MCTP1: variants seen among roughly 807,000 people sequenced by gnomAD.
MCTP1 encodes multiple C2 and transmembrane domain-containing protein 1.
In MCTP1, 69 loss-of-function variants were observed where a neutral mutation model predicts 120.6. The ratio of observed to expected loss-of-function variants is 0.57; its 90% confidence interval spans 0.47 to 0.70. The LOEUF (loss-of-function observed/expected upper bound fraction) is 0.70, where lower values mean the gene tolerates loss of function less well. Ranked by LOEUF, MCTP1 falls within the 30% of genes least tolerant of loss-of-function variation. MCTP1 has a pLI of 0.00. For missense variants in MCTP1, 1,203 were observed against 1,248.8 expected (o/e 0.96, Z 0.55); for synonymous variants, 529 against 493.1 (o/e 1.07, Z -0.96).
intron 1 of MCTP1, among the ~76,000 whole-genome samples, chr5:95,136,166 C>T (rs1759431821): frequency 6.6e-6 from 1 of 152,160 alleles, no homozygotes; most frequent in African/African-American, 2.4e-5. Context: ...ATCCCTTCTC[C>T]CTCTCTTCAA....
At chr5:95,214,181 A>C (rs1752758447) in intron 1 of MCTP1, among the ~76,000 whole-genome samples, 1 of 152,294 alleles carries the variant, frequency 6.6e-6, no homozygotes, top group African/African-American at 2.4e-5. Flanking sequence ...AAAAACAAAC[A>C]ACCCCATCTA....
At chr5:94,818,351 A>G (rs1357893490) in intron 17 of MCTP1, among the ~76,000 whole-genome samples, 1 of 152,206 alleles carries the variant, frequency 6.6e-6, no homozygotes, top group Non-Finnish European at 1.5e-5. Context: ...AAATTCATCC[A>G]TCACACCTGG....
chr5:94,846,508 G>A (rs752580560), intron 17 of MCTP1, among the ~76,000 whole-genome samples: 15 of 152,146 alleles, frequency 9.9e-5, no homozygotes, highest in Non-Finnish European at 1.9e-4. Flanking sequence ...TGTGAAAATG[G>A]AGAATAGGAG....
At chr5:95,114,552 G>A (rs1757681809) in intron 1 of MCTP1, among the ~76,000 whole-genome samples, 1 of 152,190 alleles carries the variant, frequency 6.6e-6, no homozygotes, top group Admixed American at 6.5e-5. Context: ...GTGGCCACCG[G>A]GTGAGGCTCC....
At chr5:95,095,345 C>T (rs940377697) in intron 1 of MCTP1, among the ~76,000 whole-genome samples, 1 of 152,136 alleles carries the variant, frequency 6.6e-6, no homozygotes, top group African/African-American at 2.4e-5. Context: ...TTTATAACAA[C>T]TATTTCCTCC....
chr5:94,873,540 T>C (rs1400778977), intron 12 of MCTP1, among the ~76,000 whole-genome samples: 2 of 151,998 alleles, frequency 1.3e-5, no homozygotes, highest in Non-Finnish European at 2.9e-5. Flanking sequence ...TAACCGGCAA[T>C]TATGATGGAG....
chr5:95,045,171 G>C (rs1842962188), intron 1 of MCTP1, among the ~76,000 whole-genome samples: 1 of 152,058 alleles, frequency 6.6e-6, no homozygotes, highest in Non-Finnish European at 1.5e-5. Context: ...CTTTTATCTG[G>C]AAGCTTCTTA....
At chr5:94,938,338 A>T (rs1312638365) in intron 5 of MCTP1, among the ~76,000 whole-genome samples, 1 of 151,934 alleles carries the variant, frequency 6.6e-6, no homozygotes, top group Non-Finnish European at 1.5e-5. Context: ...CACTCTGATC[A>T]CCCACACTGT....
intron 2 of MCTP1, among the ~76,000 whole-genome samples, chr5:94,981,445 A>C (rs1048161209): frequency 6.6e-6 from 1 of 152,202 alleles, no homozygotes; most frequent in African/African-American, 2.4e-5. Context: ...CTTTCCTGAA[A>C]TACACTCACA....
chr5:94,966,524 G>A (rs1314075459), intron 2 of MCTP1, among the ~76,000 whole-genome samples: 1 of 151,960 alleles, frequency 6.6e-6, no homozygotes, highest in East Asian at 1.9e-4. Flanking sequence ...GGCCGGACGC[G>A]GTGGCTCACG....
chr5:95,105,838 T>C (rs1757041693), intron 1 of MCTP1, among the ~76,000 whole-genome samples: 1 of 152,052 alleles, frequency 6.6e-6, no homozygotes, highest in African/African-American at 2.4e-5. Context: ...CCAGGAAAAA[T>C]ATGATGATTA....
rs150510773 is a variant in MCTP1, at chr5:94,952,150, T to A, written c.981+1069A>T. Among the ~76,000 whole-genome samples the A allele has an allele frequency of 7.6e-3, 928 of 121,828 alleles. 7 individuals are homozygous for A. The Middle Eastern group carries it at 0.084, about 11-fold the overall frequency. The allele number at this position is 121,828 out of a possible 152,430, so 79.9% of individuals were successfully genotyped here. On this transcript the variant is annotated intron_variant, in intron 3 of 22. Coordinates refer to ENST00000515393, the MANE Select transcript of MCTP1 (RefSeq NM_024717.7). ...TCGTGCCACTGCACTCCAGCCTGGG[T>A]GACAGAATGAGACTTTGTCGCAAAA...
rs138190770 is a variant in MCTP1 at position 95,036,335 on chromosome 5, G to A, written c.721-18851C>T. ...ATAACAATTTCAAAGAGGGAAGCTC[G>A]TGTAGCAGATGCTTTGCTTGATGCT... On this transcript the variant is annotated intron_variant, in intron 1 of 22. Transcript: ENST00000515393. Among the ~76,000 whole-genome samples the A allele has an allele frequency of 2.2e-3, 330 of 152,310 alleles. 2 individuals are homozygous for A. Among genetic ancestry groups the A allele is most frequent in the African/African-American group, 7.9e-3 (327 of 41,584 alleles).
intron 1 of MCTP1, among the ~76,000 whole-genome samples, chr5:95,201,076 G>A (rs1750955738): frequency 6.6e-6 from 1 of 152,182 alleles, no homozygotes. Context: ...TACTGAATTG[G>A]AATCTCCTGC....
At chr5:94,849,392 T>C (rs999124526) in intron 17 of MCTP1, among the ~76,000 whole-genome samples, 1 of 152,200 alleles carries the variant, frequency 6.6e-6, no homozygotes, top group African/African-American at 2.4e-5. Flanking sequence ...CCTTTTCTAG[T>C]AGGACTAATG....
At chr5:95,041,311 G>GAAAAAAAAAAAAAAAAAAA (rs58379749) in intron 1 of MCTP1, among the ~76,000 whole-genome samples, 17 of 89,810 alleles carry the variant, frequency 1.9e-4, no homozygotes, top group Non-Finnish European at 3.0e-4. Flanking sequence ...CCCATGCTCT[G>GAAAAAAAAAAAAAAAAAAA]AAAAAAAAAA....
intron 1 of MCTP1, among the ~76,000 whole-genome samples, chr5:95,171,492 A>C (rs993961827): frequency 6.6e-6 from 1 of 152,214 alleles, no homozygotes; most frequent in African/African-American, 2.4e-5. Flanking sequence ...CCTGGATAAT[A>C]TCCTGCAGAG....
intron 1 of MCTP1, among the ~76,000 whole-genome samples, chr5:95,125,010 C>A (rs915166292): frequency 1.3e-5 from 2 of 152,090 alleles, no homozygotes; most frequent in Admixed American, 6.5e-5. Context: ...GATCAGAGAT[C>A]AAAAATAAAG....
At chr5:95,085,938 G>T (rs1327236891) in intron 1 of MCTP1, among the ~76,000 whole-genome samples, 1 of 151,788 alleles carries the variant, frequency 6.6e-6, no homozygotes, top group African/African-American at 2.4e-5. Context: ...ATATTTAGGA[G>T]GTCTTTATAT....
Sources: allele counts gnomAD v4.1 joint callset (sites outside exome capture counted in the v4.1 genomes callset), GRCh38; gene constraint gnomAD v4.1.1; transcripts MANE v1.5; gene names NCBI Gene and HGNC (gene_info 2026-07-23, HGNC 2026-07-21).